Variants in ELAVL2 observed in about 807,000 individuals in gnomAD.
The protein encoded by ELAVL2 is ELAV like RNA binding protein 2.
ELAVL2 carries 4 observed loss-of-function variants against 34.6 expected under a neutral mutation model. That is an observed-to-expected ratio of 0.12 (90% confidence interval 0.06 to 0.26). The LOEUF (loss-of-function observed/expected upper bound fraction) is 0.26. ELAVL2 is among the 10% of genes least tolerant of loss of function. The probability of loss-of-function intolerance (pLI) is 1.00; values close to 1 mark genes in which losing one functional copy is unlikely to be tolerated. For missense variants in ELAVL2, 432 were observed against 442.8 expected, an observed-to-expected ratio of 0.98 and a Z score of 0.22; for synonymous variants, 193 against 154.8, an observed-to-expected ratio of 1.25 and a Z score of -1.83.
At chr9:23,829,991 G>A (rs2065447262), upstream of ELAVL2, 3 of 152,150 alleles carry the variant, frequency 2.0e-5, no homozygotes, top group African/African-American at 7.2e-5. Flanking sequence ...AAACTGTCAG[G>A]AGACTTAGAG....
intron 1 of ELAVL2, among the ~76,000 whole-genome samples, chr9:23,801,179 T>C (rs1260954457): frequency 6.6e-6 from 1 of 152,142 alleles, no homozygotes; most frequent in Non-Finnish European, 1.5e-5. Context: ...CCAGGAATAC[T>C]GAAGTATGAA....
chr9:23,705,288 T>G (rs1487976558), intron 3 of ELAVL2, among the ~76,000 whole-genome samples: 1 of 151,872 alleles, frequency 6.6e-6, no homozygotes, highest in South Asian at 2.1e-4. Flanking sequence ...CAGGGAAGAG[T>G]ATCTGTAATA....
chr9:23,694,784 G>C (rs2132756531), intron 5 of ELAVL2, among the ~76,000 whole-genome samples: 1 of 152,278 alleles, frequency 6.6e-6, no homozygotes, highest in Middle Eastern at 3.4e-3. Context: ...AAGATGAGAA[G>C]AACTGAGCTT....
chr9:23,842,204 G>A, the ELAVL2 span, among the ~76,000 whole-genome samples: 2 of 152,134 alleles, frequency 1.3e-5, no homozygotes, highest in African/African-American at 2.4e-5. Context: ...TTAACCAGCA[G>A]AGAATTGCAT....
At chr9:23,817,729 A>G (rs893192075) in intron 1 of ELAVL2, among the ~76,000 whole-genome samples, 2 of 152,216 alleles carry the variant, frequency 1.3e-5, no homozygotes, top group African/African-American at 4.8e-5. Context: ...GAAACATATG[A>G]TACACATCAC....
intron 3 of ELAVL2, among the ~76,000 whole-genome samples, chr9:23,712,477 T>C (rs1379059383): frequency 6.6e-6 from 1 of 152,198 alleles, no homozygotes; most frequent in East Asian, 1.9e-4. Flanking sequence ...AGGACAGTTA[T>C]TATAATTCTT....
At chr9:23,766,860 C>G (rs1157250835) in intron 1 of ELAVL2, among the ~76,000 whole-genome samples, 1 of 151,900 alleles carries the variant, frequency 6.6e-6, no homozygotes, top group Non-Finnish European at 1.5e-5. Context: ...GGGCTGTGTA[C>G]TATTTATAGA....
intron 3 of ELAVL2, among the ~76,000 whole-genome samples, chr9:23,709,409 A>C (rs935781279): frequency 1.3e-5 from 2 of 152,156 alleles, no homozygotes; most frequent in African/African-American, 4.8e-5. Flanking sequence ...TTACCAAACT[A>C]AATTTTGTAT....
intron 5 of ELAVL2, among the ~76,000 whole-genome samples, chr9:23,699,811 GGTTTTTTTTTTTTTTTTTTTTTTT>G (rs1453415342): frequency 4.8e-5 from 4 of 82,622 alleles, no homozygotes; most frequent in African/African-American, 1.7e-4. Flanking sequence ...AGGTGGCAAA[GGTTTTTTTTTTTTTTTTTTTTTTT>G]TTTTTTTTTT....
intron 2 of ELAVL2, 132 bp downstream of exon 2, chr9:23,761,874 T>A (rs749146867): frequency 2.5e-4 from 308 of 1,222,700 alleles, no homozygotes; most frequent in Non-Finnish European, 3.2e-4. Flanking sequence ...ATATTGCTGA[T>A]GTAATAACAG....
rs1432194939 is a variant in ELAVL2, at chr9:23,691,512, C to G, written c.*1045G>C. On this transcript the variant is annotated 3_prime_UTR_variant, in exon 7 of 7. Coordinates refer to ENST00000397312, the MANE Select transcript of ELAVL2 (RefSeq NM_004432.5). Reference sequence around the variant, plus strand: ...TCTGAAGGGATTTCTTTAGGAAGAACAGATTTTTTCCCCCATCTCTCGGTA... The same window carrying G: ...TCTGAAGGGATTTCTTTAGGAAGAAGAGATTTTTTCCCCCATCTCTCGGTA... The G allele has an allele frequency of 6.6e-6, 1 of 152,424 alleles. No homozygotes were observed. The highest frequency in any genetic ancestry group is 2.4e-5 in the African/African-American group (1 of 41,390). The allele number at this position is 152,424 out of a possible 1,614,324, so 9.4% of individuals were successfully genotyped here.
chr9:23,781,234 G>C (rs2059020342), intron 1 of ELAVL2, among the ~76,000 whole-genome samples: 1 of 152,166 alleles, frequency 6.6e-6, no homozygotes. Context: ...TAACCTTCTT[G>C]AGAATTGTTT....
chr9:23,721,241 T>G (rs557870978), intron 3 of ELAVL2, among the ~76,000 whole-genome samples: 20 of 152,194 alleles, frequency 1.3e-4, no homozygotes, highest in Non-Finnish European at 2.5e-4. Flanking sequence ...CCAGACTGGC[T>G]GGATGTGGCT....
At chr9:23,844,976 C>T in the ELAVL2 span, among the ~76,000 whole-genome samples, 9 of 151,860 alleles carry the variant, frequency 5.9e-5, no homozygotes, top group African/African-American at 1.9e-4. Context: ...TTACTTTAAA[C>T]ATAGTTCACA....
intron 3 of ELAVL2, among the ~76,000 whole-genome samples, chr9:23,712,767 A>G (rs1167520689): frequency 6.6e-6 from 1 of 152,202 alleles, no homozygotes; most frequent in Non-Finnish European, 1.5e-5. Flanking sequence ...ATCATTAAAT[A>G]TTAGTCAAGG....
At chr9:23,705,927 G>T (rs1454940818) in intron 3 of ELAVL2, among the ~76,000 whole-genome samples, 1 of 152,038 alleles carries the variant, frequency 6.6e-6, no homozygotes, top group Admixed American at 6.5e-5. Flanking sequence ...GAACATTTTT[G>T]TTTTCTAGCC....
intron 1 of ELAVL2, among the ~76,000 whole-genome samples, chr9:23,824,401 CG>C (rs2065151625): frequency 6.6e-6 from 1 of 152,176 alleles, no homozygotes; most frequent in Non-Finnish European, 1.5e-5. Flanking sequence ...TAGCCCCCAC[CG>C]CCCTTCGCAG....
chr9:23,800,493 T>A (rs1373599722), intron 1 of ELAVL2, among the ~76,000 whole-genome samples: 3 of 152,160 alleles, frequency 2.0e-5, no homozygotes, highest in African/African-American at 7.2e-5. Flanking sequence ...ATGTCCAGCC[T>A]AGCCCCCTTC....
chr9:23,825,384 A>T (rs1389433733), intron 1 of ELAVL2, among the ~76,000 whole-genome samples: 1 of 152,216 alleles, frequency 6.6e-6, no homozygotes, highest in Non-Finnish European at 1.5e-5. Flanking sequence ...CTAATCTGCC[A>T]GTCCAGGCTT....
Sources: allele counts gnomAD v4.1 joint callset (sites outside exome capture counted in the v4.1 genomes callset), GRCh38; gene constraint gnomAD v4.1.1; transcripts MANE v1.5; gene names NCBI Gene and HGNC (gene_info 2026-07-23, HGNC 2026-07-21).